RGS3: variants seen among roughly 807,000 people sequenced by gnomAD.
The protein encoded by RGS3 is regulator of G-protein signalling 3.
In RGS3, 80 loss-of-function variants were observed where a neutral mutation model predicts 132.6. That is an observed-to-expected ratio of 0.60 (90% CI 0.50 to 0.73). The LOEUF is 0.73. RGS3 is among the 30% of genes least tolerant of loss of function. RGS3 has a pLI of 0.00. For missense variants in RGS3, 1,382 were observed against 1,530.8 expected (o/e 0.90, Z 1.62); for synonymous variants, 598 against 620.6 (o/e 0.96, Z 0.54).
At chr9:113,483,361 T>C (rs1473320244) in intron 5 of RGS3, among the ~76,000 whole-genome samples, 1 of 152,188 alleles carries the variant, frequency 6.6e-6, no homozygotes, top group Non-Finnish European at 1.5e-5. Flanking sequence ...GTCATCTATA[T>C]AGGTGGGCAG....
chr9:113,462,357 C>G (rs1357811547), intron 3 of RGS3, among the ~76,000 whole-genome samples: 1 of 152,154 alleles, frequency 6.6e-6, no homozygotes, highest in African/African-American at 2.4e-5. Flanking sequence ...CACGAAGTGC[C>G]AGGATTCAAA....
rs747920781 is a variant in RGS3, at chr9:113,579,767, G to A, written c.2038-3683G>A. Among the ~76,000 whole-genome samples, 1 of 152,100 alleles carries A rather than the reference G, an allele frequency of 6.6e-6. No individual in the cohort carries two copies. Among genetic ancestry groups the A allele is most frequent in the African/African-American group, 2.4e-5 (1 of 41,412 alleles). ...GATTGTGTCTGACTTGTTCCCTGCC[G>A]TCCTCCTAGTACCTACCTCAGTGCT... On this transcript the variant is annotated intron_variant, in intron 19 of 24. Coordinates refer to ENST00000350696, the Ensembl canonical transcript of RGS3. This position sits in a 1 kb window ranked among gnomAD's most constrained non-coding sequence, Gnocchi z 4.3.
At chr9:113,508,515 G>T in intron 13 of RGS3, 26 bp from the exon 12 acceptor site, 2 of 1,612,350 alleles carry the variant, frequency 1.2e-6, no homozygotes, top group Non-Finnish European at 1.7e-6. Flanking sequence ...TGGGGCTGAG[G>T]TGGTTTTCCT....
intron 19 of RGS3, among the ~76,000 whole-genome samples, chr9:113,574,945 A>G (rs572387562): frequency 1.3e-5 from 2 of 152,280 alleles, no homozygotes; most frequent in African/African-American, 4.8e-5. Flanking sequence ...CCTGCTTTTC[A>G]GAGAAGAGAG....
chr9:113,545,751 G>T (rs1342369380), intron 19 of RGS3, among the ~76,000 whole-genome samples: 1 of 152,184 alleles, frequency 6.6e-6, no homozygotes, highest in Non-Finnish European at 1.5e-5. Flanking sequence ...GCCAGGCACA[G>T]GGTCAAGCTT....
intron 19 of RGS3, among the ~76,000 whole-genome samples, chr9:113,540,775 T>A (rs12375564): frequency 0.069 from 10,569 of 152,284 alleles, 498 homozygotes; most frequent in Middle Eastern, 0.1. Context: ...ACATGACAGA[T>A]AGTTCAAAGT....
At chr9:113,548,546 GGA>G (rs1347177478) in intron 19 of RGS3, among the ~76,000 whole-genome samples, 1 of 152,220 alleles carries the variant, frequency 6.6e-6, no homozygotes, top group Non-Finnish European at 1.5e-5. Flanking sequence ...GAGGGGAAGA[GGA>G]GGGGGCTCCT....
intron 3 of RGS3, among the ~76,000 whole-genome samples, chr9:113,465,439 CTGTGTGTGTGTGTG>C (rs3221187): frequency 2.6e-3 from 346 of 135,408 alleles, no homozygotes; most frequent in Middle Eastern, 0.019. Context: ...ACACCTATTT[CTGTGTGTGTGTGTG>C]TGTGTGTGTG....
In RGS3 at chr9:113,594,006, C is replaced by G. The variant is rs995311541; in HGVS notation, c.3081-424C>G. The G allele has an allele frequency of 2.5e-6, 4 of 1,612,980 alleles. No homozygotes were observed. The African/African-American group carries it at 4.0e-5, about 16-fold the overall frequency. ...AGGCTGTCCCTTGCAGACACATGCC[C>G]CTTTCACGGCTCCCTCTCAGGGTTG... On this transcript the variant is annotated intron_variant, in intron 21 of 24. Transcript: ENST00000350696.
chr9:113,494,803 C>A (rs2119269898), intron 7 of RGS3, among the ~76,000 whole-genome samples: 1 of 152,276 alleles, frequency 6.6e-6, no homozygotes, highest in East Asian at 1.9e-4. Flanking sequence ...GCTGCCAACT[C>A]TTAGTCCCTG....
At chr9:113,457,085 C>T (rs187846452), upstream of RGS3, among the ~76,000 whole-genome samples, 434 of 152,288 alleles carry the variant, frequency 2.8e-3, 2 homozygotes, top group Non-Finnish European at 4.6e-3. Context: ...CGTGAGTCAC[C>T]GCGCCTGGCC....
At chr9:113,475,136 ATGGGGCCC>A (rs1180010753) in intron 3 of RGS3, among the ~76,000 whole-genome samples, 1 of 152,072 alleles carries the variant, frequency 6.6e-6, no homozygotes, top group Non-Finnish European at 1.5e-5. Flanking sequence ...TTCCTGCCAT[ATGGGGCCC>A]TGTCTATTCT....
rs916332163 is a variant in RGS3, at chr9:113,488,943, A to G, written c.689+3250A>G. 5.9e-5 allele frequency among the ~76,000 whole-genome samples: 9 copies of G among 152,248 alleles called. 1 individual carries two copies. The highest frequency in any genetic ancestry group is 4.6e-4 in the Admixed American group (7 of 15,290). On this transcript the variant is annotated intron_variant, in intron 7 of 24. Transcript: ENST00000350696. ...GGCTCTGCTGAATGCTCTCAAATCA[A>G]ATTGTGCCTCTCTGAAGGATGGACA...
intron 7 of RGS3, among the ~76,000 whole-genome samples, chr9:113,493,140 A>C (rs1459966980): frequency 6.6e-6 from 1 of 152,256 alleles, no homozygotes; most frequent in African/African-American, 2.4e-5. Context: ...AAGTCTTGCC[A>C]AGGCTTTTCT....
At chr9:113,467,472 T>C (rs1829680440) in intron 3 of RGS3, among the ~76,000 whole-genome samples, 1 of 152,238 alleles carries the variant, frequency 6.6e-6, no homozygotes, top group African/African-American at 2.4e-5. Flanking sequence ...TGCATTTTCC[T>C]GATGACCCGT....
At chr9:113,517,480 T>C in intron 15 of RGS3, 61 bp from the exon 14 acceptor site, 4 of 1,365,062 alleles carry the variant, frequency 2.9e-6, no homozygotes, top group Non-Finnish European at 4.2e-6. Flanking sequence ...TGCTGCTTCC[T>C]CCCCCCGGGT....
chr9:113,450,329 C>T (rs1243636244), intron 1 of RGS3, among the ~76,000 whole-genome samples: 1 of 152,036 alleles, frequency 6.6e-6, no homozygotes, highest in Admixed American at 6.6e-5. Flanking sequence ...CCTTGGCCTC[C>T]CAAAGTGCTG....
chr9:113,536,876 C>T lies in RGS3; in HGVS notation c.1995C>T (p.Ile665=), dbSNP rs139390441. The change falls in exon 19 of 25, where the codon ATC becomes ATT. Residue 665 remains isoleucine (I), a synonymous_variant. Coordinates refer to ENST00000350696, the Ensembl canonical transcript of RGS3. ...TGTGCTGGTGCCTGTCGGAGAACAT[C>T]GCCAAGCAGCAACAGCTGGCAGCAT... is the stretch of plus-strand genomic sequence containing the variant. The T allele has an allele frequency of 1.9e-5, 30 of 1,614,136 alleles. No homozygotes were observed. In the African/African-American group the frequency reaches 2.0e-4, roughly 11 times the overall value.
At chr9:113,520,939 G>A (rs1831923547) in intron 16 of RGS3, among the ~76,000 whole-genome samples, 1 of 152,132 alleles carries the variant, frequency 6.6e-6, no homozygotes, top group African/African-American at 2.4e-5. Flanking sequence ...TCTCTGTATA[G>A]TGATAGCTTT....
Sources: allele counts gnomAD v4.1 joint callset (sites outside exome capture counted in the v4.1 genomes callset), GRCh38; gene constraint gnomAD v4.1.1; non-coding constraint Gnocchi (gnomAD v3.1); transcripts MANE v1.5; gene names NCBI Gene and HGNC (gene_info 2026-07-23, HGNC 2026-07-21).